Variants in FYN observed in about 807,000 individuals in gnomAD.
FYN encodes FYN proto-oncogene, Src family tyrosine kinase.
In FYN, 10 loss-of-function variants were observed where a neutral mutation model predicts 70.2. The ratio of observed to expected loss-of-function variants is 0.14; its 90% CI spans 0.09 to 0.24. FYN has a LOEUF of 0.24. Ranked by LOEUF, FYN falls within the 10% of genes least tolerant of loss-of-function variation. The probability of loss-of-function intolerance (pLI) is 1.00; values close to 1 mark genes in which losing one functional copy is unlikely to be tolerated. For missense variants in FYN, 319 were observed against 673.1 expected (o/e 0.47, Z 5.82); for synonymous variants, 236 against 248.6 (o/e 0.95, Z 0.48).
Position 111,678,540 on chromosome 6 carries a change from A to G in FYN, c.1274-3910T>C, listed in dbSNP as rs1025296841. Among the ~76,000 whole-genome samples, 7 of 152,306 alleles carry G rather than the reference A, an allele frequency of 4.6e-5. 1 individual carries two copies. Among genetic ancestry groups the G allele is most frequent in the Admixed American group, 2.0e-4 (3 of 15,298 alleles). On this transcript the variant is annotated intron_variant, in intron 12 of 13. Coordinates refer to ENST00000354650, the MANE Select transcript of FYN (RefSeq NM_002037.5). ...ATTCAATCCCATGGCTCCAATGACT[A>G]TCTTGACCCCAATGATGCCTGCATT...
chr6:111,848,015 C>T (rs1773581160), intron 1 of FYN, among the ~76,000 whole-genome samples: 1 of 152,206 alleles, frequency 6.6e-6, no homozygotes, highest in Non-Finnish European at 1.5e-5. Context: ...TTTTGGCTAA[C>T]CCACTAGGGA....
chr6:111,729,909 T>A (rs977804596), intron 3 of FYN, among the ~76,000 whole-genome samples: 4 of 152,238 alleles, frequency 2.6e-5, no homozygotes, highest in Non-Finnish European at 4.4e-5. Context: ...GTACTTTTTT[T>A]ATAATGAGAA....
intron 10 of FYN, among the ~76,000 whole-genome samples, chr6:111,695,515 T>C (rs1421717070): frequency 2.6e-5 from 4 of 152,230 alleles, no homozygotes; most frequent in African/African-American, 2.4e-5. Context: ...TGATATTTTA[T>C]GCTTTAATCA....
chr6:111,767,219 A>G (rs1803258204), intron 3 of FYN, among the ~76,000 whole-genome samples: 1 of 152,166 alleles, frequency 6.6e-6, no homozygotes, highest in South Asian at 2.1e-4. Context: ...CTCTTCTAAA[A>G]CTTCAGGTAT....
intron 12 of FYN, among the ~76,000 whole-genome samples, chr6:111,682,689 C>T (rs1053247156): frequency 3.3e-5 from 5 of 152,138 alleles, no homozygotes; most frequent in South Asian, 2.1e-4. Context: ...TGTGGAAGGA[C>T]CACTATGATC....
intron 2 of FYN, among the ~76,000 whole-genome samples, chr6:111,831,213 A>G (rs1773007711): frequency 6.6e-6 from 1 of 152,154 alleles, no homozygotes; most frequent in Non-Finnish European, 1.5e-5. Flanking sequence ...TGCTTGATAG[A>G]TGTGCCATGT....
chr6:111,782,763 C>G (rs559974931), intron 2 of FYN, among the ~76,000 whole-genome samples: 1 of 152,312 alleles, frequency 6.6e-6, no homozygotes, highest in South Asian at 2.1e-4. Flanking sequence ...TTGTGATTTC[C>G]TAAGTATGGG....
chr6:111,794,297 T>A (rs1771733905), intron 2 of FYN, among the ~76,000 whole-genome samples: 1 of 152,250 alleles, frequency 6.6e-6, no homozygotes, highest in Non-Finnish European at 1.5e-5. Context: ...AGGTCCCCCA[T>A]CCCTAATTAG....
At position 111,763,070 on chromosome 6, in the gene FYN, G is replaced by A. The variant is rs1583419750; in HGVS notation, c.-12+17496C>T. 3.3e-5 allele frequency among the ~76,000 whole-genome samples: 5 copies of A among 152,254 alleles called. 1 individual carries two copies. Among genetic ancestry groups the A allele is most frequent in the Admixed American group, 3.3e-4 (5 of 15,294 alleles). ...AACTGATTTCAACTCTTCAGGCAAA[G>A]CTTAATTCTTTGAACCGATTGTCAA... is the stretch of plus-strand genomic sequence containing the variant. On this transcript the variant is annotated intron_variant, in intron 3 of 13. Coordinates refer to ENST00000354650, the MANE Select transcript of FYN (RefSeq NM_002037.5).
chr6:111,841,044 T>A (rs1413254740), intron 2 of FYN, among the ~76,000 whole-genome samples: 1 of 152,184 alleles, frequency 6.6e-6, no homozygotes, highest in African/African-American at 2.4e-5. Flanking sequence ...CCTGGCAACA[T>A]CCAGCTTTTG....
chr6:111,800,223 G>A (rs144515956), intron 2 of FYN, among the ~76,000 whole-genome samples: 11 of 152,228 alleles, frequency 7.2e-5, no homozygotes, highest in African/African-American at 2.2e-4. Context: ...AATTCCCAGG[G>A]TTTAGTGGAG....
rs1452687631 is a variant in FYN, at chr6:111,849,022, ATATAT to A, written c.-122-2398_-122-2394del. On this transcript the variant is annotated intron_variant, in intron 1 of 13. Transcript: ENST00000354650. ...CGTGTGTGTGTGCATGTGCGTACAG[ATATAT>A]TATATTGATATGCATATGTAGTTAC... Among the ~76,000 whole-genome samples the A allele has an allele frequency of 3.5e-4, 54 of 152,240 alleles. 1 individual carries two copies. Among genetic ancestry groups the A allele is most frequent in the Admixed American group, 2.4e-3 (37 of 15,300 alleles).
chr6:111,734,448 C>T (rs706914), intron 3 of FYN, among the ~76,000 whole-genome samples: 3,162 of 152,270 alleles, frequency 0.021, 123 homozygotes, highest in African/African-American at 0.071. Context: ...AGTACTCTTT[C>T]TTACTACAGT....
At chr6:111,859,651 G>T (rs149485542) in intron 1 of FYN, among the ~76,000 whole-genome samples, 1 of 152,168 alleles carries the variant, frequency 6.6e-6, no homozygotes, top group East Asian at 1.9e-4. Flanking sequence ...ATAGCACCAC[G>T]ATACCTGCCA....
intron 3 of FYN, among the ~76,000 whole-genome samples, chr6:111,724,674 G>A (rs956999798): frequency 2.6e-5 from 4 of 152,220 alleles, no homozygotes; most frequent in Non-Finnish European, 5.9e-5. Flanking sequence ...AAGTGAAACC[G>A]ACAACAAATA....
At chr6:111,663,416 G>A (rs1244944564) in intron 13 of FYN, among the ~76,000 whole-genome samples, 5 of 152,210 alleles carry the variant, frequency 3.3e-5, no homozygotes, top group African/African-American at 1.2e-4. Flanking sequence ...CCTGCAGAGG[G>A]AACACTCGGA....
At chr6:111,857,395 C>T (rs1773849740) in intron 1 of FYN, among the ~76,000 whole-genome samples, 1 of 152,190 alleles carries the variant, frequency 6.6e-6, no homozygotes, top group Non-Finnish European at 1.5e-5. Flanking sequence ...AAACCCCACA[C>T]TATCTTGAAA....
At chr6:111,761,987 G>A (rs1048757288) in intron 3 of FYN, among the ~76,000 whole-genome samples, 9 of 152,138 alleles carry the variant, frequency 5.9e-5, no homozygotes, top group Admixed American at 1.3e-4. Context: ...TGGGTGGCTC[G>A]ATGTTTTTTA....
At chr6:111,734,121 A>C (rs1424888600) in intron 3 of FYN, among the ~76,000 whole-genome samples, 4 of 152,242 alleles carry the variant, frequency 2.6e-5, no homozygotes, top group South Asian at 2.1e-4. Flanking sequence ...AACAAACAAA[A>C]AAATGTGAGC....
Sources: allele counts gnomAD v4.1 joint callset (sites outside exome capture counted in the v4.1 genomes callset), GRCh38; gene constraint gnomAD v4.1.1; transcripts MANE v1.5; gene names NCBI Gene and HGNC (gene_info 2026-07-23, HGNC 2026-07-21).